The following NRXN3 variants were observed in gnomAD, a reference collection of about 807,000 sequenced individuals.
NRXN3 encodes neurexin 3.
NRXN3 carries 32 observed loss-of-function variants against 137.6 expected under a neutral mutation model. The observed-to-expected ratio is 0.23, with a 90% confidence interval of 0.18 to 0.31. The LOEUF (loss-of-function observed/expected upper bound fraction) is 0.31, where lower values mean the gene tolerates loss of function less well. Among genes scored for constraint, NRXN3 ranks in the 10% least tolerant of loss-of-function variants. NRXN3 has a pLI of 1.00. For synonymous variants in NRXN3, 798 were observed against 784.5 expected (o/e 1.02, Z -0.29); for missense variants, 1,574 against 2,062.5 (o/e 0.76, Z 4.59).
At chr14:79,389,897 TA>T (rs1409180395) in intron 15 of NRXN3, among the ~76,000 whole-genome samples, 1 of 152,224 alleles carries the variant, frequency 6.6e-6, no homozygotes, top group Non-Finnish European at 1.5e-5. Context: ...GCAAGAATTT[TA>T]AAAAGTTGTT....
chr14:79,125,191 C>A (rs2056186627), intron 15 of NRXN3, among the ~76,000 whole-genome samples: 1 of 152,172 alleles, frequency 6.6e-6, no homozygotes, highest in African/African-American at 2.4e-5. Context: ...CTCGACTCAA[C>A]ATCTCCTTCT....
chr14:78,352,334 C>G (rs1393779334), intron 4 of NRXN3, among the ~76,000 whole-genome samples: 1 of 152,200 alleles, frequency 6.6e-6, no homozygotes, highest in African/African-American at 2.4e-5. Context: ...ATGTTCCCAG[C>G]TCCTCTATAT....
At chr14:78,851,815 G>A (rs1456809483) in intron 10 of NRXN3, among the ~76,000 whole-genome samples, 2 of 152,106 alleles carry the variant, frequency 1.3e-5, no homozygotes, top group Non-Finnish European at 1.5e-5. Context: ...AGGCAGAACT[G>A]TATTTTAAAT....
At chr14:78,446,217 T>C (rs558819759) in intron 4 of NRXN3, among the ~76,000 whole-genome samples, 1 of 152,354 alleles carries the variant, frequency 6.6e-6, no homozygotes, top group East Asian at 1.9e-4. Flanking sequence ...ATTTTTGGGC[T>C]ACTCCCACAA....
intron 4 of NRXN3, among the ~76,000 whole-genome samples, chr14:78,495,354 G>T (rs1287636928): frequency 6.6e-6 from 1 of 151,976 alleles, no homozygotes; most frequent in Non-Finnish European, 1.5e-5. Context: ...TTTCTCAAAT[G>T]CCAGAATAAA....
chr14:79,254,818 CTTCCTTCTTTCCTTCT>C (rs1224140645), intron 15 of NRXN3, among the ~76,000 whole-genome samples: 6 of 150,916 alleles, frequency 4.0e-5, no homozygotes, highest in African/African-American at 1.2e-4. Flanking sequence ...CCCTCCCTCC[CTTCCTTCTTTCCTTCT>C]TTCCTTCTTT....
chr14:79,485,722 G>C (rs1225020833), intron 16 of NRXN3, among the ~76,000 whole-genome samples: 3 of 152,190 alleles, frequency 2.0e-5, no homozygotes. Context: ...AATCAAGGGA[G>C]AGGATTACCT....
intron 15 of NRXN3, among the ~76,000 whole-genome samples, chr14:79,410,016 A>G (rs2095391573): frequency 1.3e-5 from 2 of 152,000 alleles, no homozygotes; most frequent in South Asian, 2.1e-4. Context: ...CAAAATGGCC[A>G]TATTTATACT....
chr14:79,140,444 G>A (rs576291868), intron 15 of NRXN3, among the ~76,000 whole-genome samples: 1 of 152,194 alleles, frequency 6.6e-6, no homozygotes, highest in South Asian at 2.1e-4. Context: ...ACCTTCCAAT[G>A]AGGTTAGAAT....
intron 4 of NRXN3, among the ~76,000 whole-genome samples, chr14:78,597,528 A>C (rs536396549): frequency 6.6e-6 from 1 of 152,302 alleles, no homozygotes; most frequent in African/African-American, 2.4e-5. Flanking sequence ...AGAATATAGC[A>C]AGGACCTTGG....
intron 6 of NRXN3, among the ~76,000 whole-genome samples, chr14:78,684,877 TATC>T (rs1000019355): frequency 1.3e-5 from 2 of 152,244 alleles, no homozygotes; most frequent in Non-Finnish European, 2.9e-5. Context: ...TATACATAAA[TATC>T]ATGCAACTTC....
intron 16 of NRXN3, among the ~76,000 whole-genome samples, chr14:79,638,486 T>G (rs1385763247): frequency 1.3e-5 from 2 of 152,082 alleles, no homozygotes; most frequent in African/African-American, 2.4e-5. Flanking sequence ...TGTCAAACTG[T>G]AATACCCAGG....
intron 19 of NRXN3, among the ~76,000 whole-genome samples, chr14:79,770,109 C>G (rs995018912): frequency 2.0e-5 from 3 of 151,546 alleles, no homozygotes. Context: ...TACAGGAGCA[C>G]CCAGATTCAT....
intron 16 of NRXN3, among the ~76,000 whole-genome samples, chr14:79,504,447 C>A (rs1200553215): frequency 1.3e-5 from 2 of 151,290 alleles, no homozygotes; most frequent in African/African-American, 4.9e-5. Flanking sequence ...TTTAAGTATT[C>A]CAAGTTATAA....
chr14:78,970,331 C>T (rs1188537267), intron 14 of NRXN3, among the ~76,000 whole-genome samples: 1 of 151,996 alleles, frequency 6.6e-6, no homozygotes, highest in African/African-American at 2.4e-5. Flanking sequence ...GTATTTTATT[C>T]AATTTAACTA....
intron 15 of NRXN3, among the ~76,000 whole-genome samples, chr14:79,180,042 A>G (rs1345572860): frequency 6.6e-6 from 1 of 152,330 alleles, no homozygotes; most frequent in Non-Finnish European, 1.5e-5. Context: ...AGTAAAATGT[A>G]TAGGTTGCTG....
chr14:79,242,871 G>C (rs1315701891), intron 15 of NRXN3, among the ~76,000 whole-genome samples: 1 of 152,156 alleles, frequency 6.6e-6, no homozygotes, highest in Non-Finnish European at 1.5e-5. Context: ...AGTGGAGGCT[G>C]TTTTACAGTG....
chr14:78,908,533 T>G (rs1300662111), intron 10 of NRXN3, among the ~76,000 whole-genome samples: 5 of 152,096 alleles, frequency 3.3e-5, no homozygotes, highest in Non-Finnish European at 5.9e-5. Flanking sequence ...TTCAGAATTA[T>G]AATTTTAAAA....
intron 10 of NRXN3, among the ~76,000 whole-genome samples, chr14:78,938,464 T>G (rs897865756): frequency 2.6e-5 from 4 of 152,212 alleles, no homozygotes; most frequent in African/African-American, 9.6e-5. Context: ...AATTATGTTG[T>G]GATCATGGTG....
Sources: gnomAD v4.1 joint callset for allele counts (sites outside exome capture counted in the v4.1 genomes callset) on GRCh38, gnomAD v4.1.1 for gene constraint, MANE v1.5 for transcripts, NCBI Gene and HGNC (gene_info 2026-07-23, HGNC 2026-07-21) for gene names.